Variants in TAF1 observed in about 807,000 individuals in gnomAD.
TAF1 encodes the protein transcription initiation factor TFIID subunit 1.
TAF1 carries 2 observed loss-of-function variants against 138.5 expected under a neutral mutation model. The ratio of observed to expected loss-of-function variants is 0.01; its 90% CI spans 0.01 to 0.05. The LOEUF (loss-of-function observed/expected upper bound fraction) is 0.05, where lower values mean the gene tolerates loss of function less well. TAF1 is among the 10% of genes least tolerant of loss of function. TAF1 has a pLI of 1.00. For missense variants in TAF1, 709 were observed against 1,478.0 expected, an observed-to-expected ratio of 0.48 and a Z score of 8.53; for synonymous variants, 437 against 503.2, an observed-to-expected ratio of 0.87 and a Z score of 1.76.
At chrX:71,459,424 C>T in intron 35 of TAF1, 128 bp from the exon 36 acceptor site, 1 of 1,010,990 alleles carries the variant, frequency 9.9e-7, no homozygotes, top group Non-Finnish European at 1.3e-6. Flanking sequence ...AAAATAATTA[C>T]TTAACTTCTT....
intron 13 of TAF1, among the ~76,000 whole-genome samples, chrX:71,511,786 C>T (rs978359342): frequency 1.8e-5 from 2 of 111,264 alleles, no homozygotes; most frequent in Non-Finnish European, 3.8e-5. Flanking sequence ...GAGGTTGAGG[C>T]GGGTGGATTG....
At chrX:71,376,059 C>G (rs1319369737) in intron 4 of TAF1, among the ~76,000 whole-genome samples, 1 of 111,926 alleles carries the variant, frequency 8.9e-6, no homozygotes, top group African/African-American at 3.2e-5. Flanking sequence ...GTTTATCTTA[C>G]CTATTCCTAT....
chrX:71,468,801 TG>T (rs2038822509), downstream of TAF1, among the ~76,000 whole-genome samples: 1 of 107,675 alleles, frequency 9.3e-6, no homozygotes. Context: ...AAGACCAGTC[TG>T]GGCAGCATGG....
intron 13 of TAF1, among the ~76,000 whole-genome samples, chrX:71,523,818 C>T (rs938255669): frequency 1.8e-5 from 2 of 110,996 alleles, no homozygotes; most frequent in East Asian, 2.8e-4. Context: ...AAGTGCTTCT[C>T]GAAACATGAA....
At chrX:71,374,569 C>T (rs746645515) in intron 3 of TAF1, among the ~76,000 whole-genome samples, 1 of 111,303 alleles carries the variant, frequency 9.0e-6, no homozygotes, top group Admixed American at 9.6e-5. Flanking sequence ...ACCTCAGCCT[C>T]CTGAGTAGCT....
intron 13 of TAF1, among the ~76,000 whole-genome samples, chrX:71,474,636 C>T (rs1257414122): frequency 8.9e-6 from 1 of 112,078 alleles, no homozygotes; most frequent in Non-Finnish European, 1.9e-5. Flanking sequence ...GATATAAATC[C>T]TATTCTCACG....
intron 21 of TAF1, among the ~76,000 whole-genome samples, chrX:71,393,734 G>A (rs749468586): frequency 6.3e-5 from 7 of 111,612 alleles, no homozygotes; most frequent in African/African-American, 1.9e-4. Flanking sequence ...GGCCTACTTG[G>A]GCCTAACAAA....
At chrX:71,403,348 C>T in intron 25 of TAF1, among the ~76,000 whole-genome samples, 1 of 111,957 alleles carries the variant, frequency 8.9e-6, no homozygotes, top group South Asian at 3.7e-4. Context: ...TTTTTCATGA[C>T]ATTGAATTTT....
At chrX:71,384,254 C>T (rs965634797) in intron 13 of TAF1, 119 bp downstream of exon 13, 5 of 817,431 alleles carry the variant, frequency 6.1e-6, no homozygotes, top group African/African-American at 2.1e-5. Context: ...TGCAAACTTA[C>T]ATACAAATTT....
At chrX:71,388,932 C>T in intron 17 of TAF1, 64 bp downstream of exon 17, 1 of 1,110,390 alleles carries the variant, frequency 9.0e-7, no homozygotes. Context: ...TTTCTTCCCC[C>T]CAGAGAGATG....
intron 32 of TAF1, among the ~76,000 whole-genome samples, chrX:71,441,315 ATATT>A (rs1237539642): frequency 9.0e-6 from 1 of 110,909 alleles, no homozygotes; most frequent in Non-Finnish European, 1.9e-5. Flanking sequence ...TATTTTAGAT[ATATT>A]TATATGAAGT....
At chrX:71,452,797 G>A (rs2038079290) in intron 32 of TAF1, among the ~76,000 whole-genome samples, 3 of 112,501 alleles carry the variant, frequency 2.7e-5, no homozygotes, top group South Asian at 3.7e-4. Context: ...ACGAGGCTCC[G>A]TCTGCAATCC....
Position 71,401,542 on chromosome X carries a change from A to T in TAF1, c.3801A>T (p.Ala1267=). The change falls in exon 25 of 38, where the codon GCA becomes GCT. Residue 1267 remains alanine (A), a synonymous_variant. Transcript: ENST00000423759. ...ERPDLKLKCG[A]CGAIGHMRTN... ...TCCTTTTGCAGCTGAAATGTGGGGC[A>T]TGTGGTGCCATTGGACACATGAGGA... The T allele has an allele frequency of 8.3e-7, 1 of 1,211,998 alleles. No individual in the cohort carries two copies. Among genetic ancestry groups the T allele is most frequent in the Non-Finnish European group, 1.1e-6 (1 of 895,609 alleles).
At chrX:71,399,253 C>CTTTTTT (rs1159549890) in intron 24 of TAF1, among the ~76,000 whole-genome samples, 1 of 70,346 alleles carries the variant, frequency 1.4e-5, no homozygotes, top group Non-Finnish European at 2.6e-5. Context: ...CATTTATTCT[C>CTTTTTT]TTTTTTTTTT....
At chrX:71,444,969 C>T (rs183957796) in intron 32 of TAF1, among the ~76,000 whole-genome samples, 166 of 110,048 alleles carry the variant, frequency 1.5e-3, no homozygotes, top group African/African-American at 5.1e-3. Context: ...ACCTCGTGAT[C>T]TGCCCGCCTC....
At chrX:71,415,128 CTTTTTTTTTTTTT>C (rs1158533765) in intron 28 of TAF1, among the ~76,000 whole-genome samples, 19 of 51,613 alleles carry the variant, frequency 3.7e-4, no homozygotes, top group Non-Finnish European at 5.5e-4. Context: ...AAAGTTTTGT[CTTTTTTTTTTTTT>C]TTTTTTTTTT....
At chrX:71,427,548 T>TA (rs1478199702) in intron 32 of TAF1, among the ~76,000 whole-genome samples, 2 of 111,651 alleles carry the variant, frequency 1.8e-5, no homozygotes, top group African/African-American at 6.5e-5. Context: ...AAGATACTAA[T>TA]AAAAAAGTAA....
At chrX:71,454,906 G>C (rs201135522) in intron 34 of TAF1, 49 bp downstream of exon 34, 15 of 1,198,624 alleles carry the variant, frequency 1.3e-5, no homozygotes, top group Non-Finnish European at 3.4e-6. Flanking sequence ...TTATTGGTTT[G>C]GGAAATTGGG....
intron 32 of TAF1, among the ~76,000 whole-genome samples, chrX:71,436,484 A>T (rs1023292520): frequency 9.2e-6 from 1 of 108,756 alleles, no homozygotes; most frequent in Admixed American, 1.0e-4. Context: ...CAAAGTGTTT[A>T]CAGGCATGAG....
Sources: allele counts gnomAD v4.1 joint callset (sites outside exome capture counted in the v4.1 genomes callset), GRCh38; gene constraint gnomAD v4.1.1; transcripts MANE v1.5; gene names NCBI Gene and HGNC (gene_info 2026-07-23, HGNC 2026-07-21).